The following TENM4 variants were observed in gnomAD, a reference collection of about 807,000 sequenced individuals.
TENM4 encodes teneurin transmembrane protein 4.
In TENM4, 82 loss-of-function variants were observed where a neutral mutation model predicts 243.3. The observed-to-expected ratio is 0.34, with a 90% CI of 0.28 to 0.40. The LOEUF (loss-of-function observed/expected upper bound fraction) is 0.40, where lower values mean the gene tolerates loss of function less well. Among genes scored for constraint, TENM4 ranks in the 10% least tolerant of loss-of-function variants. The probability of loss-of-function intolerance (pLI) is 1.00; values close to 1 mark genes in which losing one functional copy is unlikely to be tolerated. For synonymous variants in TENM4, 1,412 were observed against 1,456.3 expected, an observed-to-expected ratio of 0.97 and a Z score of 0.69; for missense variants, 3,138 against 3,673.3, an observed-to-expected ratio of 0.85 and a Z score of 3.77.
chr11:79,174,043 T>C (rs764099720), intron 3 of TENM4, among the ~76,000 whole-genome samples: 25 of 152,230 alleles, frequency 1.6e-4, no homozygotes, highest in Non-Finnish European at 1.5e-4. Flanking sequence ...GATTTTTCTA[T>C]TGACATCACA....
At chr11:79,157,419 T>G (rs991187793) in intron 3 of TENM4, among the ~76,000 whole-genome samples, 1 of 152,200 alleles carries the variant, frequency 6.6e-6, no homozygotes, top group Admixed American at 6.5e-5. Context: ...CTTTCTTTCA[T>G]ACCTTCACTC....
intron 14 of TENM4, among the ~76,000 whole-genome samples, chr11:78,811,479 A>C (rs1015783341): frequency 6.6e-6 from 1 of 152,176 alleles, no homozygotes; most frequent in Non-Finnish European, 1.5e-5. Flanking sequence ...TTAAATCAAC[A>C]GTTCACTTTT....
At chr11:78,904,065 T>A (rs1856005367) in intron 6 of TENM4, among the ~76,000 whole-genome samples, 1 of 152,038 alleles carries the variant, frequency 6.6e-6, no homozygotes, top group South Asian at 2.1e-4. Context: ...ACCAAGTTTT[T>A]AAAAGTAAAA....
rs142431036 is a variant in TENM4 at position 78,828,809 on chromosome 11, T to C, written c.1682-14414A>G. ...AGAAATTGAGAAATAGTTTCTGTTG[T>C]GAAAACTTTATAGAACCTTCTGGCC... On this transcript the variant is annotated intron_variant, in intron 12 of 33. Transcript: ENST00000278550. Among the ~76,000 whole-genome samples the C allele has an allele frequency of 6.8e-3, 1,041 of 152,384 alleles. 10 individuals are homozygous for C. The highest frequency in any genetic ancestry group is 0.024 in the African/African-American group (987 of 41,596).
intron 12 of TENM4, among the ~76,000 whole-genome samples, chr11:78,852,148 C>T (rs567720725): frequency 1.5e-4 from 23 of 152,308 alleles, no homozygotes; most frequent in Admixed American, 5.2e-4. Context: ...CGGAGTCCAG[C>T]GGCTCAGACA....
At chr11:79,263,557 T>C (rs776181739) in intron 2 of TENM4, among the ~76,000 whole-genome samples, 22 of 152,248 alleles carry the variant, frequency 1.4e-4, no homozygotes, top group African/African-American at 4.6e-4. Flanking sequence ...AAAGAGTCCA[T>C]GTAGACAATA....
At chr11:78,792,884 A>G (rs1254868361) in intron 15 of TENM4, among the ~76,000 whole-genome samples, 1 of 152,174 alleles carries the variant, frequency 6.6e-6, no homozygotes, top group Non-Finnish European at 1.5e-5. Context: ...CCACAGACAC[A>G]TCTTCTTCAT....
chr11:79,247,228 C>A (rs1169723539), intron 2 of TENM4, among the ~76,000 whole-genome samples: 1 of 151,790 alleles, frequency 6.6e-6, no homozygotes, highest in African/African-American at 2.4e-5. Flanking sequence ...ACCAGCCTGG[C>A]CAACATGGTG....
chr11:79,112,158 A>G (rs1447031717), intron 4 of TENM4, among the ~76,000 whole-genome samples: 1 of 152,158 alleles, frequency 6.6e-6, no homozygotes, highest in Non-Finnish European at 1.5e-5. Context: ...TGGACACTTG[A>G]AAGAGATGCA....
At chr11:79,021,241 G>A (rs1023053119) in intron 6 of TENM4, among the ~76,000 whole-genome samples, 7 of 152,182 alleles carry the variant, frequency 4.6e-5, no homozygotes, top group African/African-American at 1.7e-4. Flanking sequence ...CTGAAAGCAG[G>A]AGCCATTTAC....
At chr11:79,363,728 T>A (rs1332628790) in intron 1 of TENM4, among the ~76,000 whole-genome samples, 1 of 152,206 alleles carries the variant, frequency 6.6e-6, no homozygotes, top group East Asian at 1.9e-4. Context: ...ACTAATAAAA[T>A]GTCTTCATGT....
intron 3 of TENM4, among the ~76,000 whole-genome samples, chr11:79,201,136 T>C (rs2135190084): frequency 1.3e-5 from 2 of 152,254 alleles, no homozygotes; most frequent in African/African-American, 4.8e-5. Context: ...GAGAATATGA[T>C]CTTGGCTGGA....
chr11:79,096,905 TGCACGCACATGCGCGC>T (rs1861091193), intron 4 of TENM4: 1 of 145,688 alleles, frequency 6.9e-6, no homozygotes, highest in Admixed American at 6.9e-5. Context: ...TGCGTGGGCA[TGCACGCACATGCGCGC>T]GCGCGCGCAC....
chr11:78,824,626 C>T (rs1209293424), intron 12 of TENM4, among the ~76,000 whole-genome samples: 2 of 151,968 alleles, frequency 1.3e-5, no homozygotes, highest in Non-Finnish European at 2.9e-5. Context: ...CTCAGCCTCC[C>T]AAGTAGCTGG....
Position 78,701,993 on chromosome 11 carries a change from A to G in TENM4, c.4620T>C (p.Ser1540=), listed in dbSNP as rs1859117432. 1 of 1,613,908 alleles carries G rather than the reference A, an allele frequency of 6.2e-7. No individual in the cohort carries two copies. ...YAKDAKLNTP[S]SLAVCADGEL... ...CCCCATCAGCACACACAGCCAAGGA[A>G]GATGGGGTATTTAACTTTGCATCCT... The change falls in exon 28 of 34, where the codon TCT becomes TCC. Residue 1540 remains serine (S), a synonymous_variant. Transcript: ENST00000278550.
chr11:78,658,182 A>G lies in TENM4; in HGVS notation c.8186T>C (p.Leu2729Pro). The G allele has an allele frequency of 6.2e-7, 1 of 1,614,026 alleles. No homozygotes were observed. The highest frequency in any genetic ancestry group is 8.5e-7 in the Non-Finnish European group (1 of 1,179,898). The change falls in exon 34 of 34, where the codon CTG becomes CCG. Residue 2729 changes from leucine to proline, a missense_variant. Transcript: ENST00000278550. ...GTAGCCTTGCACCCGCCCTGTGCTC[A>G]GCACCTGCTGCTTCTCCCCCTCTGT... ...AWTEGEKQQV[L>P]STGRVQGYDG...
chr11:79,229,659 G>T (rs1864338447), intron 2 of TENM4, among the ~76,000 whole-genome samples: 2 of 152,116 alleles, frequency 1.3e-5, no homozygotes, highest in Non-Finnish European at 2.9e-5. Context: ...ATTGGACATT[G>T]TATGTTCATT....
At chr11:79,148,535 G>T (rs1480262502) in intron 4 of TENM4, among the ~76,000 whole-genome samples, 175 bp downstream of exon 4, 3 of 151,940 alleles carry the variant, frequency 2.0e-5, no homozygotes, top group Non-Finnish European at 4.4e-5. Flanking sequence ...GGGAAGGCAA[G>T]CAGTAATCCT....
intron 4 of TENM4, among the ~76,000 whole-genome samples, chr11:79,091,578 G>T (rs1016513553): frequency 6.6e-5 from 10 of 152,094 alleles, no homozygotes; most frequent in African/African-American, 2.2e-4. Context: ...CTCAAGGGGT[G>T]ACACATAGAC....
Sources: allele counts gnomAD v4.1 joint callset (sites outside exome capture counted in the v4.1 genomes callset), GRCh38; gene constraint gnomAD v4.1.1; transcripts MANE v1.5; gene names NCBI Gene and HGNC (gene_info 2026-07-23, HGNC 2026-07-21).